PRKDC: variants seen among roughly 807,000 people sequenced by gnomAD.
PRKDC encodes the protein DNA-dependent protein kinase catalytic subunit.
PRKDC carries 82 observed loss-of-function variants against 486.9 expected under a neutral mutation model. That is an observed-to-expected ratio of 0.17 (90% CI 0.14 to 0.20). The LOEUF is 0.20. PRKDC is among the 10% of genes least tolerant of loss of function. The pLI, the probability that PRKDC is intolerant of heterozygous loss-of-function variation, is 1.00. For missense variants in PRKDC, 4,504 were observed against 5,038.2 expected, an observed-to-expected ratio of 0.89 and a Z score of 3.21; for synonymous variants, 1,895 against 1,837.0, an observed-to-expected ratio of 1.03 and a Z score of -0.81.
chr8:47,903,887 C>G (rs2089727542), intron 26 of PRKDC, among the ~76,000 whole-genome samples: 1 of 152,130 alleles, frequency 6.6e-6, no homozygotes, highest in Non-Finnish European at 1.5e-5. Flanking sequence ...CACTGGTAGA[C>G]ACTGCAGGGA....
At chr8:47,785,570 C>T (rs2086776934) in intron 76 of PRKDC, among the ~76,000 whole-genome samples, 2 of 151,854 alleles carry the variant, frequency 1.3e-5, no homozygotes, top group Non-Finnish European at 2.9e-5. Flanking sequence ...CCCAACTCTA[C>T]AAAAAATAAA....
chr8:47,893,958 T>TACA (rs2089519964), intron 30 of PRKDC, among the ~76,000 whole-genome samples: 1 of 152,186 alleles, frequency 6.6e-6, no homozygotes, highest in Non-Finnish European at 1.5e-5. Context: ...TAATGAAGAA[T>TACA]TCAAAACATG....
intron 19 of PRKDC, among the ~76,000 whole-genome samples, chr8:47,928,849 G>A (rs898524274): frequency 2.6e-5 from 4 of 152,062 alleles, no homozygotes; most frequent in South Asian, 4.1e-4. Flanking sequence ...GCACCACCAC[G>A]CCTGGCTAAT....
At chr8:47,797,292 T>C (rs1037496747) in intron 73 of PRKDC, among the ~76,000 whole-genome samples, 6 of 152,168 alleles carry the variant, frequency 3.9e-5, no homozygotes, top group African/African-American at 1.4e-4. Context: ...AAATATTATA[T>C]TGGAAAAAAA....
intron 72 of PRKDC, among the ~76,000 whole-genome samples, chr8:47,798,817 T>C (rs544599166): frequency 1.4e-4 from 21 of 148,994 alleles, no homozygotes; most frequent in Middle Eastern, 3.5e-3. Flanking sequence ...GTCTCTCTCT[T>C]TTTTTTTTTT....
At chr8:47,847,940 C>A (rs759906642) in intron 54 of PRKDC, among the ~76,000 whole-genome samples, 1 of 151,188 alleles carries the variant, frequency 6.6e-6, no homozygotes, top group Non-Finnish European at 1.5e-5. Flanking sequence ...AAATGAGATA[C>A]CATCTCACAC....
At chr8:47,941,087 G>A (rs1034585441) in intron 10 of PRKDC, among the ~76,000 whole-genome samples, 6 of 148,156 alleles carry the variant, frequency 4.0e-5, no homozygotes, top group African/African-American at 7.5e-5. Flanking sequence ...CCAAGCTTGC[G>A]CTACTGCACT....
At chr8:47,909,663 T>C (rs1278067628) in intron 25 of PRKDC, among the ~76,000 whole-genome samples, 3 of 152,196 alleles carry the variant, frequency 2.0e-5, no homozygotes, top group Admixed American at 6.5e-5. Context: ...AGGAGAAATA[T>C]CGCTGAATTC....
intron 39 of PRKDC, among the ~76,000 whole-genome samples, chr8:47,879,015 G>A (rs541318276): frequency 2.0e-5 from 3 of 152,158 alleles, no homozygotes; most frequent in African/African-American, 4.8e-5. Flanking sequence ...GGATAATCAC[G>A]AAATGCTTCT....
Position 47,889,195 on chromosome 8 carries a change from G to A in PRKDC, c.4099C>T (p.His1367Tyr), listed in dbSNP as rs377450561. 9 of 1,613,096 alleles carry A rather than the reference G, an allele frequency of 5.6e-6. No homozygotes were observed. The highest frequency in any genetic ancestry group is 2.7e-5 in the African/African-American group (2 of 74,886). Residue 1367 changes from histidine to tyrosine, a missense_variant, in exon 33 of 86, where the codon CAC (histidine) becomes TAC (tyrosine). Physicochemically the swap from His to Tyr is moderately conservative, Grantham distance 83. Coordinates refer to ENST00000314191, the MANE Select transcript of PRKDC (RefSeq NM_006904.7). ...GTCTGCACCAGGACTCTCATCAGGT[G>A]TGTATTACACAAGTCCTTCTTCAGG... ...KLLKKDLCNT[H>Y]LMRVLVQTLC...
chr8:47,921,504 C>T (rs1476931632), intron 21 of PRKDC, among the ~76,000 whole-genome samples: 3 of 151,998 alleles, frequency 2.0e-5, no homozygotes, highest in Non-Finnish European at 4.4e-5. Context: ...GATGAAAAGG[C>T]ACAATTTTTG....
intron 25 of PRKDC, 132 bp from the exon 26 acceptor site, chr8:47,905,108 T>C: frequency 1.6e-6 from 1 of 643,620 alleles, no homozygotes; most frequent in Non-Finnish European, 2.6e-6. Flanking sequence ...TTAGTTTCCT[T>C]TTTTAGTTCA....
chr8:47,831,630 C>A (rs2087877838), intron 60 of PRKDC, among the ~76,000 whole-genome samples, 184 bp downstream of exon 60: 1 of 152,150 alleles, frequency 6.6e-6, no homozygotes, highest in African/African-American at 2.4e-5. Flanking sequence ...TCCTGGACCC[C>A]CACCAGAGCG....
At chr8:47,809,230 C>T (rs545816947) in intron 68 of PRKDC, among the ~76,000 whole-genome samples, 1 of 151,998 alleles carries the variant, frequency 6.6e-6, no homozygotes, top group Admixed American at 6.6e-5. Context: ...TTTTGTTACT[C>T]CCAAGATACA....
intron 48 of PRKDC, among the ~76,000 whole-genome samples, chr8:47,857,640 C>A (rs1288316839): frequency 3.3e-5 from 5 of 152,152 alleles, no homozygotes; most frequent in African/African-American, 7.2e-5. Context: ...AAGGAACCAA[C>A]CCTGCCAGCA....
chr8:47,818,931 C>T lies in PRKDC; in HGVS notation c.9445+471G>A, dbSNP rs529427640. On this transcript the variant is annotated intron_variant, in intron 67 of 85. Transcript: ENST00000314191. ...ACCCACTCATCAGCGATACAAAGGC[C>T]TTCCTGATGTGGGCCCTGCTGCCCG... Among the ~76,000 whole-genome samples, 350 of 152,322 alleles carry T rather than the reference C, an allele frequency of 2.3e-3. 5 individuals carry two copies. The highest frequency in any genetic ancestry group is 9.7e-4 in the East Asian group (5 of 5,172).
At chr8:47,867,321 T>C (rs2088841493) in intron 40 of PRKDC, among the ~76,000 whole-genome samples, 1 of 152,160 alleles carries the variant, frequency 6.6e-6, no homozygotes, top group Non-Finnish European at 1.5e-5. Flanking sequence ...ATTTTAGTCA[T>C]GTAAATATCA....
chr8:47,782,814 C>CG lies in PRKDC; in HGVS notation c.11176-217_11176-216insC. 2 of 586,894 alleles carry CG rather than the reference C, an allele frequency of 3.4e-6. No homozygotes were observed. Among genetic ancestry groups the CG allele is most frequent in the South Asian group, 4.3e-5 (2 of 46,720 alleles). 36.4% of individuals were successfully genotyped at this position (586,894 alleles called of 1,614,324 possible). Reference sequence around the variant, plus strand: ...TTGTATTCCTGATTATAAATACTTGCTTATGAATGTGGATATCTTTAGCAA... The same window carrying CG: ...TTGTATTCCTGATTATAAATACTTGCGTTATGAATGTGGATATCTTTAGCAA... On this transcript the variant is annotated intron_variant, in intron 78 of 85. Coordinates refer to ENST00000314191, the MANE Select transcript of PRKDC (RefSeq NM_006904.7). This position sits in a 1 kb window ranked among gnomAD's most constrained non-coding sequence, Gnocchi z 4.9.
intron 21 of PRKDC, among the ~76,000 whole-genome samples, chr8:47,923,828 G>T (rs2090113320): frequency 6.6e-6 from 1 of 152,136 alleles, no homozygotes; most frequent in African/African-American, 2.4e-5. Flanking sequence ...GATGGGGAGT[G>T]AACAAGCCTG....
Sources: gnomAD v4.1 joint callset for allele counts (sites outside exome capture counted in the v4.1 genomes callset) on GRCh38, gnomAD v4.1.1 for gene constraint, Gnocchi (gnomAD v3.1) non-coding constraint, MANE v1.5 for transcripts, NCBI Gene and HGNC (gene_info 2026-07-23, HGNC 2026-07-21) for gene names.